MPPED1: variants seen among roughly 807,000 people sequenced by gnomAD.
The protein encoded by MPPED1 is metallophosphoesterase domain-containing protein 1.
In MPPED1, 16 loss-of-function variants were observed where a neutral mutation model predicts 36.2. That is an observed-to-expected ratio of 0.44 (90% CI 0.30 to 0.67). The LOEUF is 0.67. Among genes scored for constraint, MPPED1 ranks in the 30% least tolerant of loss-of-function variants. The pLI is 0.10. For missense variants in MPPED1, 307 were observed against 453.4 expected (o/e 0.68, Z 2.93); for synonymous variants, 199 against 191.3 (o/e 1.04, Z -0.33).
At chr22:43,436,512 C>G (rs147237786) in intron 3 of MPPED1, among the ~76,000 whole-genome samples, 7 of 152,282 alleles carry the variant, frequency 4.6e-5, no homozygotes, top group Admixed American at 1.3e-4. Flanking sequence ...ATTTTTCAAA[C>G]GGGAAATTCT....
At chr22:43,422,999 G>T (rs1285602316) in intron 1 of MPPED1, among the ~76,000 whole-genome samples, 3 of 152,106 alleles carry the variant, frequency 2.0e-5, no homozygotes, top group Admixed American at 6.6e-5. Flanking sequence ...ACAGTGCCCG[G>T]CTAATTTTTG....
At chr22:43,487,818 G>C (rs980826077) in intron 4 of MPPED1, among the ~76,000 whole-genome samples, 1 of 152,120 alleles carries the variant, frequency 6.6e-6, no homozygotes, top group African/African-American at 2.4e-5. Context: ...CTCTGAAACG[G>C]GCGGGCCTCC....
intron 4 of MPPED1, among the ~76,000 whole-genome samples, chr22:43,479,242 T>C (rs1042490394): frequency 2.0e-5 from 3 of 152,220 alleles, no homozygotes; most frequent in African/African-American, 7.2e-5. Flanking sequence ...TCTTCCCCTC[T>C]GCCCTCAACA....
At chr22:43,438,130 C>A (rs892650718) in intron 3 of MPPED1, among the ~76,000 whole-genome samples, 1 of 152,126 alleles carries the variant, frequency 6.6e-6, no homozygotes, top group African/African-American at 2.4e-5. Context: ...CAGCCTGATG[C>A]GAGGGGACGG....
At chr22:43,452,897 A>G (rs1930621260) in intron 3 of MPPED1, among the ~76,000 whole-genome samples, 1 of 151,600 alleles carries the variant, frequency 6.6e-6, no homozygotes, top group African/African-American at 2.4e-5. Flanking sequence ...AAGTGCCAAG[A>G]TTAAGGGTGT....
chr22:43,497,935 G>GTGTATATATATATATA (rs1555904573), intron 4 of MPPED1, among the ~76,000 whole-genome samples: 1,442 of 128,266 alleles, frequency 0.011, 30 homozygotes, highest in Admixed American at 0.023. Flanking sequence ...ATATGTATAT[G>GTGTATATATATATATA]TATATATATA....
At chr22:43,423,918 T>C (rs1177592444) in intron 1 of MPPED1, among the ~76,000 whole-genome samples, 1 of 152,120 alleles carries the variant, frequency 6.6e-6, no homozygotes, top group Non-Finnish European at 1.5e-5. Context: ...AAAATAATTA[T>C]GAAAAGGAAC....
In MPPED1 at chr22:43,425,090, T is replaced by C; in HGVS notation, c.105T>C (p.Ala35=). ...TCTCCCAGTCCCACGTGATGGCCGC[T>C]CGGCGGCACCAGCACAGCCGGCTCA... ...MAFSQSHVMA[A]RRHQHSRLII... The change falls in exon 2 of 7, where the codon GCT becomes GCC. Residue 35 remains alanine, a synonymous_variant. Coordinates refer to ENST00000443721, the MANE Select transcript of MPPED1 (RefSeq NM_001044370.2). The C allele has an allele frequency of 1.2e-6, 2 of 1,613,728 alleles. No individual in the cohort carries two copies. Among genetic ancestry groups the C allele is most frequent in the Non-Finnish European group, 1.7e-6 (2 of 1,179,878 alleles).
chr22:43,501,907 A>C (rs1166671260), intron 5 of MPPED1, among the ~76,000 whole-genome samples: 1 of 150,468 alleles, frequency 6.6e-6, no homozygotes, highest in Admixed American at 6.6e-5. Flanking sequence ...TGGGCCTTTG[A>C]GTGGAAGCTT....
chr22:43,424,893 G>A lies in MPPED1; in HGVS notation c.-78-15G>A, dbSNP rs750335246. 3.1e-5 allele frequency: 47 copies of A among 1,522,936 alleles called. No homozygotes were observed. In the South Asian group the frequency reaches 4.4e-4, roughly 14 times the overall value. 94.3% of individuals were successfully genotyped at this position (1,522,936 alleles called of 1,614,324 possible). A position where few individuals can be genotyped will look rare whatever the true frequency, so the allele number is the denominator to read the frequency against. On this transcript the variant is annotated splice_polypyrimidine_tract_variant and intron_variant, in intron 1 of 6. Coordinates refer to ENST00000443721, the MANE Select transcript of MPPED1 (RefSeq NM_001044370.2). Reference sequence around the variant, plus strand: ...AACAGATTAACTGTCGCACGGTTCTGCTCCGTCTCCTCAGTCTGTTTCCAG... The same window carrying A: ...AACAGATTAACTGTCGCACGGTTCTACTCCGTCTCCTCAGTCTGTTTCCAG...
At chr22:43,495,824 G>A (rs1440471350) in intron 4 of MPPED1, among the ~76,000 whole-genome samples, 3 of 71,816 alleles carry the variant, frequency 4.2e-5, no homozygotes, top group Non-Finnish European at 2.7e-5. Context: ...GGAGGTGGTG[G>A]TGGTGGAGGT....
rs1929473435 is a variant in MPPED1 at position 43,426,410 on chromosome 22, G to T, written c.224+1201G>T. Among the ~76,000 whole-genome samples the T allele has an allele frequency of 2.0e-5, 3 of 152,098 alleles. No homozygotes were observed. In the South Asian group the frequency reaches 6.2e-4, roughly 32 times the overall value. ...CAGGGAGGGGGGAGCTATGACAGGG[G>T]CTGATCCAGTGCTGTAGGGCCTACG... On this transcript the variant is annotated intron_variant, in intron 2 of 6. Transcript: ENST00000443721.
chr22:43,425,586 G>A (rs1467486300), intron 2 of MPPED1, among the ~76,000 whole-genome samples: 1 of 152,212 alleles, frequency 6.6e-6, no homozygotes, highest in Non-Finnish European at 1.5e-5. Flanking sequence ...CCACATTCCC[G>A]ATCCCTTTCT....
chr22:43,487,057 G>A (rs1001289633), intron 4 of MPPED1, among the ~76,000 whole-genome samples: 4 of 152,094 alleles, frequency 2.6e-5, no homozygotes, highest in Non-Finnish European at 4.4e-5. Flanking sequence ...CCTTCCTGTC[G>A]GGTAGAGCAC....
chr22:43,449,422 A>ACCCCCCCCCCCCCCCCCCCCC (rs135045), intron 3 of MPPED1, among the ~76,000 whole-genome samples: 6 of 127,328 alleles, frequency 4.7e-5, no homozygotes, highest in Admixed American at 2.5e-4. Flanking sequence ...GACAGTGCCA[A>ACCCCCCCCCCCCCCCCCCCCC]CCCCCCCCGC....
chr22:43,501,237 G>A lies in MPPED1; in HGVS notation c.749-1407G>A, dbSNP rs1229079918. Reference sequence around the variant, plus strand: ...CCTGGGACGGTTCCCGTCAACATTCGGTGTCATTGGTCACTGACAGTGAGG... The same window carrying A: ...CCTGGGACGGTTCCCGTCAACATTCAGTGTCATTGGTCACTGACAGTGAGG... On this transcript the variant is annotated intron_variant, in intron 5 of 6. Coordinates refer to ENST00000443721, the MANE Select transcript of MPPED1 (RefSeq NM_001044370.2). Among the ~76,000 whole-genome samples, 6 of 152,272 alleles carry A rather than the reference G, an allele frequency of 3.9e-5. No individual in the cohort carries two copies. In the East Asian group the frequency reaches 9.6e-4, roughly 24 times the overall value.
chr22:43,414,735 C>A (rs2086271438), intron 1 of MPPED1, among the ~76,000 whole-genome samples: 2 of 152,152 alleles, frequency 1.3e-5, no homozygotes, highest in South Asian at 4.1e-4. Context: ...ATCGCCCCTC[C>A]CTCACCGGGA....
intron 3 of MPPED1, among the ~76,000 whole-genome samples, chr22:43,446,550 T>C (rs745725888): frequency 3.3e-5 from 5 of 151,894 alleles, no homozygotes; most frequent in Non-Finnish European, 7.4e-5. Context: ...TGACGGCACA[T>C]GGGAAGATGT....
intron 2 of MPPED1, among the ~76,000 whole-genome samples, chr22:43,434,607 A>G (rs575560597): frequency 3.9e-5 from 6 of 152,348 alleles, no homozygotes; most frequent in African/African-American, 1.2e-4. Flanking sequence ...GTGATGCCGT[A>G]CTAAAGCTTC....
Sources: gnomAD v4.1 joint callset for allele counts (sites outside exome capture counted in the v4.1 genomes callset) on GRCh38, gnomAD v4.1.1 for gene constraint, MANE v1.5 for transcripts, NCBI Gene and HGNC (gene_info 2026-07-23, HGNC 2026-07-21) for gene names.